The following CRACD variants were observed in gnomAD, a reference collection of about 807,000 sequenced individuals.
The protein encoded by CRACD is capping protein-inhibiting regulator of actin dynamics.
Under a neutral mutation model 106.8 loss-of-function variants are expected in CRACD, and 56 were observed. That is an observed-to-expected ratio of 0.52 (90% CI 0.42 to 0.66). The LOEUF (loss-of-function observed/expected upper bound fraction) is 0.66. Ranked by LOEUF, CRACD falls within the 30% of genes least tolerant of loss-of-function variation. The probability of loss-of-function intolerance (pLI) is 0.00; values close to 1 mark genes in which losing one functional copy is unlikely to be tolerated. For missense variants in CRACD, 1,730 were observed against 1,623.2 expected, an observed-to-expected ratio of 1.07 and a Z score of -1.13; for synonymous variants, 754 against 670.8, an observed-to-expected ratio of 1.12 and a Z score of -1.92.
intron 1 of CRACD, among the ~76,000 whole-genome samples, chr4:56,092,893 G>A (rs9994666): frequency 0.11 from 16,478 of 152,168 alleles, 949 homozygotes; most frequent in East Asian, 0.19. Flanking sequence ...TTATAGGCAT[G>A]AGCCACCACG....
intron 1 of CRACD, among the ~76,000 whole-genome samples, chr4:56,117,694 G>T (rs1437430658): frequency 6.6e-6 from 1 of 152,140 alleles, no homozygotes; most frequent in South Asian, 2.1e-4. Context: ...TATTTTAAGG[G>T]TATTTTAACA....
At chr4:56,285,256 G>A (rs12646126) in intron 3 of CRACD, among the ~76,000 whole-genome samples, 44,264 of 151,946 alleles carry the variant, frequency 0.29, 7,626 homozygotes, top group East Asian at 0.63. Context: ...CCAATTCAAC[G>A]TGAGATTTGG....
chr4:56,290,259 G>A (rs941660855), intron 3 of CRACD, among the ~76,000 whole-genome samples: 2 of 152,304 alleles, frequency 1.3e-5, no homozygotes, highest in African/African-American at 2.4e-5. Flanking sequence ...AAGCACAGGC[G>A]ATGTTATCTG....
At position 56,062,605 on chromosome 4, in the gene CRACD, A is replaced by G. The variant is rs528318758; in HGVS notation, c.-336+13306A>G. On this transcript the variant is annotated intron_variant, in intron 1 of 10. Transcript: ENST00000682029. Reference sequence around the variant, plus strand: ...AACTGATTTCCTGCAAATTCTGTCCACAGTGTTGGGAAGCTAGAGTGGTAG... The same window carrying G: ...AACTGATTTCCTGCAAATTCTGTCCGCAGTGTTGGGAAGCTAGAGTGGTAG... Among the ~76,000 whole-genome samples, 4 of 152,324 alleles carry G rather than the reference A, an allele frequency of 2.6e-5. No individual in the cohort carries two copies. In the South Asian group the frequency reaches 8.3e-4, roughly 32 times the overall value.
At chr4:56,203,632 C>T (rs544964280) in intron 2 of CRACD, among the ~76,000 whole-genome samples, 1 of 152,296 alleles carries the variant, frequency 6.6e-6, no homozygotes, top group African/African-American at 2.4e-5. Context: ...CTGGCATCCT[C>T]ACCTCCAGGA....
intron 3 of CRACD, among the ~76,000 whole-genome samples, chr4:56,287,532 C>T (rs113498867): frequency 2.3e-4 from 35 of 152,276 alleles, no homozygotes; most frequent in Admixed American, 5.2e-4. Context: ...CTGCCCACCT[C>T]GGCCTCCCAC....
chr4:56,312,452 C>T (rs943158075), intron 6 of CRACD, among the ~76,000 whole-genome samples: 3 of 152,182 alleles, frequency 2.0e-5, no homozygotes, highest in Non-Finnish European at 2.9e-5. Flanking sequence ...TGTGAGCCAT[C>T]GCACCCAGCC....
intron 1 of CRACD, among the ~76,000 whole-genome samples, chr4:56,157,209 T>G (rs1321489501): frequency 6.6e-6 from 1 of 152,224 alleles, no homozygotes; most frequent in African/African-American, 2.4e-5. Flanking sequence ...TCAAAGGGCC[T>G]GTAATCCCAG....
chr4:56,320,505 G>C (rs1373065767), intron 8 of CRACD, among the ~76,000 whole-genome samples: 1 of 152,202 alleles, frequency 6.6e-6, no homozygotes, highest in South Asian at 2.1e-4. Context: ...TTCAACACTA[G>C]TCATCCTTTG....
At chr4:56,136,251 G>A (rs1334879537) in intron 1 of CRACD, among the ~76,000 whole-genome samples, 1 of 152,128 alleles carries the variant, frequency 6.6e-6, no homozygotes, top group Non-Finnish European at 1.5e-5. Flanking sequence ...CTGGAAATAA[G>A]CTTTCATTTC....
chr4:56,293,282 T>C (rs142105654), intron 3 of CRACD, among the ~76,000 whole-genome samples: 1 of 152,288 alleles, frequency 6.6e-6, no homozygotes, highest in East Asian at 1.9e-4. Flanking sequence ...CAACAGTATT[T>C]AAGAGATAAA....
rs560520070 is a variant in CRACD, at chr4:56,230,512, T to A, written c.-188-41809T>A. 1.1e-4 allele frequency among the ~76,000 whole-genome samples: 16 copies of A among 152,298 alleles called. No homozygotes were observed. The South Asian group carries it at 3.1e-3, about 30-fold the overall frequency. Reference sequence around the variant, plus strand: ...ATGTGTTAGAAAAGATGAAATTGAGTCAGAAGGTCTAGTTCTGCGCTAACT... The same window carrying A: ...ATGTGTTAGAAAAGATGAAATTGAGACAGAAGGTCTAGTTCTGCGCTAACT... On this transcript the variant is annotated intron_variant, in intron 2 of 10. Transcript: ENST00000682029.
In CRACD at chr4:56,314,917, A is replaced by AG; in HGVS notation, c.1420dup (p.Ala474GlyfsTer41). On this transcript the variant is annotated frameshift_variant, in exon 8 of 11. Coordinates refer to ENST00000682029, the MANE Select transcript of CRACD (RefSeq NM_001393381.1). LOFTEE classifies it high-confidence loss of function. This position sits in a 1 kb window ranked among gnomAD's most constrained non-coding sequence, Gnocchi z 4.4. ...CAGCAGGGAAGGAGCGGGGATTTCC[A>AG]GGGGGCCGATCGTCCTGGGCCCGAG... 6.2e-7 allele frequency: 1 copy of AG among 1,605,854 alleles called. No homozygotes were observed. The highest frequency in any genetic ancestry group is 1.7e-5 in the Admixed American group (1 of 58,396).
chr4:56,126,456 G>T (rs1028602514), intron 1 of CRACD, among the ~76,000 whole-genome samples: 1 of 152,278 alleles, frequency 6.6e-6, no homozygotes, highest in East Asian at 1.9e-4. Context: ...AAGGTTGAAT[G>T]AACTGTATTT....
At chr4:56,279,027 C>G (rs1742844738) in intron 3 of CRACD, among the ~76,000 whole-genome samples, 1 of 152,164 alleles carries the variant, frequency 6.6e-6, no homozygotes, top group Admixed American at 6.5e-5. Flanking sequence ...GATTGGAACC[C>G]TCACACATTG....
intron 1 of CRACD, among the ~76,000 whole-genome samples, chr4:56,175,109 G>A (rs1253295106): frequency 2.0e-5 from 3 of 152,066 alleles, no homozygotes; most frequent in Admixed American, 6.6e-5. Flanking sequence ...ATGAGATTTG[G>A]GTGGGGACAC....
At chr4:56,192,054 A>G (rs1176006295) in intron 2 of CRACD, among the ~76,000 whole-genome samples, 2 of 152,204 alleles carry the variant, frequency 1.3e-5, no homozygotes, top group Non-Finnish European at 2.9e-5. Flanking sequence ...ATATTGAAGT[A>G]AGAACAAAAC....
chr4:56,100,881 T>A (rs1328154043), intron 1 of CRACD, among the ~76,000 whole-genome samples: 1 of 152,204 alleles, frequency 6.6e-6, no homozygotes, highest in Non-Finnish European at 1.5e-5. Flanking sequence ...AATGAATATC[T>A]ATATCAAGTG....
chr4:56,262,436 A>G (rs1002598246), intron 2 of CRACD, among the ~76,000 whole-genome samples: 2 of 152,248 alleles, frequency 1.3e-5, no homozygotes, highest in African/African-American at 2.4e-5. Context: ...TAGAGGCCAC[A>G]TGCAGCCCAG....
Sources: gnomAD v4.1 joint callset for allele counts (sites outside exome capture counted in the v4.1 genomes callset) on GRCh38, gnomAD v4.1.1 for gene constraint, Gnocchi (gnomAD v3.1) non-coding constraint, MANE v1.5 for transcripts, NCBI Gene and HGNC (gene_info 2026-07-23, HGNC 2026-07-21) for gene names.